Variants in KCNH4 observed in about 807,000 individuals in gnomAD.
KCNH4 encodes the protein voltage-gated delayed rectifier potassium channel KCNH4.
A neutral mutation model predicts 90.7 loss-of-function variants in KCNH4; 33 were observed. The observed-to-expected ratio is 0.36, with a 90% confidence interval of 0.28 to 0.49. The LOEUF (loss-of-function observed/expected upper bound fraction) is 0.49, where lower values mean the gene tolerates loss of function less well. Ranked by LOEUF, KCNH4 falls within the 20% of genes least tolerant of loss-of-function variation. KCNH4 has a pLI of 0.98. For synonymous variants in KCNH4, 551 were observed against 581.7 expected, an observed-to-expected ratio of 0.95 and a Z score of 0.76; for missense variants, 1,044 against 1,387.1, an observed-to-expected ratio of 0.75 and a Z score of 3.93.
chr17:42,164,209 C>T (rs1330452264), intron 11 of KCNH4, 41 bp from the exon 12 acceptor site: 1 of 1,512,386 alleles, frequency 6.6e-7, no homozygotes, highest in South Asian at 1.3e-5. Context: ...TCCTGCCTTC[C>T]CGCGGCCATA....
At chr17:42,164,931 C>T (rs552175948) in intron 11 of KCNH4, among the ~76,000 whole-genome samples, 32 of 152,016 alleles carry the variant, frequency 2.1e-4, no homozygotes, top group African/African-American at 6.3e-4. Flanking sequence ...CATGGTGAAA[C>T]GCTATCTCTA....
rs1314604934 is a variant in KCNH4 at position 42,179,083 on chromosome 17, G to A, written c.77-57C>T. The stretch of plus-strand genomic sequence containing the variant: ...GGCTGGGAGGCGAGCTAGCTTCCAG[G>A]TGGGCAGCACTTCCTCTAAGTTGGG... On this transcript the variant is annotated intron_variant, in intron 1 of 16. Transcript: ENST00000264661. 5.3e-6 allele frequency: 7 copies of A among 1,321,086 alleles called. No homozygotes were observed. The East Asian group carries it at 1.6e-4, about 31-fold the overall frequency. The allele number at this position is 1,321,086 out of a possible 1,614,324, so 81.8% of individuals were successfully genotyped here.
At chr17:42,170,436 G>A (rs2144131915) in intron 7 of KCNH4, 135 bp from the exon 8 acceptor site, 2 of 699,566 alleles carry the variant, frequency 2.9e-6, no homozygotes, top group East Asian at 5.9e-5. Flanking sequence ...AGTGGCCTGG[G>A]CCTGTGTCTC....
At chr17:42,158,891 T>C (rs2079726477) in intron 16 of KCNH4, among the ~76,000 whole-genome samples, 1 of 151,852 alleles carries the variant, frequency 6.6e-6, no homozygotes, top group Non-Finnish European at 1.5e-5. Flanking sequence ...GCTATGTTGC[T>C]CAGGTGGATC....
chr17:42,164,085 C>G (rs372927433), intron 12 of KCNH4, 45 bp downstream of exon 12: 3 of 1,545,456 alleles, frequency 1.9e-6, no homozygotes. Context: ...CCCATCTCAC[C>G]CTCTCCCCAG....
rs145104718 is a variant in KCNH4 at position 42,160,330 on chromosome 17, C to T, written c.2764G>A (p.Ala922Thr). Residue 922 changes from alanine (A) to threonine (T), a missense_variant, in exon 16 of 17, where the codon GCT becomes ACT. Physicochemically the swap from Ala to Thr is moderately conservative, Grantham distance 58. Coordinates refer to ENST00000264661, the MANE Select transcript of KCNH4 (RefSeq NM_012285.3). ...GGACAAGGAGGGTCTGGGGTCCAAG[C>T]GGAGCCTGCTGGGTGGCCTGGGGGA... ...LGPPGHPAGS[A>T]WTPDPPCPQL... 2,923 of 1,614,038 alleles carry T rather than the reference C, an allele frequency of 1.8e-3. 2 individuals carry two copies. The highest frequency in any genetic ancestry group is 2.3e-3 in the Middle Eastern group (14 of 6,060).
intron 14 of KCNH4, 118 bp from the exon 15 acceptor site, chr17:42,162,439 G>A (rs1417704854): frequency 1.3e-6 from 1 of 791,992 alleles, no homozygotes; most frequent in East Asian, 2.8e-5. Context: ...AAGCTCTAGG[G>A]TCTGTAAGAT....
Position 42,166,211 on chromosome 17 carries a change from C to T in KCNH4, c.1840+86G>A, listed in dbSNP as rs541316443. On this transcript the variant is annotated intron_variant, in intron 10 of 16. Transcript: ENST00000264661. ...GTATCCACGAGGGGTATCCCATTCC[C>T]TAGAATCCTGGCCATTCCCAAGTCC... is the stretch of plus-strand genomic sequence containing the variant. The T allele has an allele frequency of 5.4e-6, 8 of 1,479,874 alleles. No homozygotes were observed. In the South Asian group the frequency reaches 9.5e-5, roughly 18 times the overall value. The allele number at this position is 1,479,874 out of a possible 1,614,324, so 91.7% of individuals were successfully genotyped here.
chr17:42,179,349 C>T (rs2079885931), intron 1 of KCNH4, among the ~76,000 whole-genome samples: 1 of 152,194 alleles, frequency 6.6e-6, no homozygotes, highest in African/African-American at 2.4e-5. Flanking sequence ...GAGTAAGAGC[C>T]TGGGCTCCTG....
intron 6 of KCNH4, among the ~76,000 whole-genome samples, chr17:42,173,609 C>T (rs905301404): frequency 6.6e-6 from 1 of 151,874 alleles, no homozygotes; most frequent in Non-Finnish European, 1.5e-5. Context: ...TCTCACCAGA[C>T]CATCCACTCA....
At chr17:42,167,862 T>TA (rs1182300075) in intron 9 of KCNH4, among the ~76,000 whole-genome samples, 1 of 152,168 alleles carries the variant, frequency 6.6e-6, no homozygotes, top group Non-Finnish European at 1.5e-5. Flanking sequence ...TTAAGCAGGA[T>TA]AAAATCTAAA....
chr17:42,176,026 C>T, intron 5 of KCNH4, 28 bp downstream of exon 5: 1 of 1,572,556 alleles, frequency 6.4e-7, no homozygotes, highest in Non-Finnish European at 8.7e-7. Flanking sequence ...AGCCGACCCA[C>T]CAGGGTGGGT....
In KCNH4 at chr17:42,178,903, C is replaced by T. The variant is rs752640695; in HGVS notation, c.200G>A (p.Cys67Tyr). ...GGTCTCTGGGCCGTAGAGGAAACGG[C>T]AGCTGCAGGTCTTCTGCATGACCTC... ...RTEVMQKTCS[C>Y]RFLYGPETSE... The change falls in exon 2 of 17, where the codon TGC (cysteine) becomes TAC (tyrosine). Residue 67 changes from cysteine (C) to tyrosine (Y), a missense_variant. Coordinates refer to ENST00000264661, the MANE Select transcript of KCNH4 (RefSeq NM_012285.3). The T allele has an allele frequency of 2.4e-5, 39 of 1,614,104 alleles. 1 individual carries two copies. In the Admixed American group the frequency reaches 6.5e-4, roughly 27 times the overall value.
chr17:42,162,299 C>A lies in KCNH4; in HGVS notation c.2607G>T (p.Leu869Phe). ...PPTGTRPSPE[L>F]ASEAEEVKEK... is the part of the protein sequence containing the mutation. ...CCTTCACCTCCTCAGCCTCACTGGC[C>A]AATTCTGGGCTGGGCCTGGTCCCTG... Residue 869 changes from leucine to phenylalanine, a missense_variant, in exon 15 of 17, where the codon TTG (leucine) becomes TTT (phenylalanine). By Grantham distance (22) the Leu-to-Phe change is conservative. Coordinates refer to ENST00000264661, the MANE Select transcript of KCNH4 (RefSeq NM_012285.3). 6.2e-7 allele frequency: 1 copy of A among 1,613,970 alleles called. No homozygotes were observed. The highest frequency in any genetic ancestry group is 1.1e-5 in the South Asian group (1 of 91,050).
intron 14 of KCNH4, 30 bp from the exon 15 acceptor site, chr17:42,162,351 A>G (rs2079754857): frequency 1.9e-6 from 3 of 1,594,828 alleles, no homozygotes; most frequent in Non-Finnish European, 2.6e-6. Context: ...AGGTGAGTTC[A>G]TGGAGCATTA....
At chr17:42,164,221 C>G in intron 11 of KCNH4, 53 bp from the exon 12 acceptor site, 1 of 1,471,812 alleles carries the variant, frequency 6.8e-7, no homozygotes, top group Non-Finnish European at 9.1e-7. Flanking sequence ...GCGGCCATAG[C>G]GCAGACCCTC....
In KCNH4 at chr17:42,160,451, C is replaced by A. The variant is rs376973353; in HGVS notation, c.2659-16G>T. 3.2e-6 allele frequency: 5 copies of A among 1,563,476 alleles called. No homozygotes were observed. The highest frequency in any genetic ancestry group is 4.5e-5 in the East Asian group (2 of 43,996). On this transcript the variant is annotated splice_polypyrimidine_tract_variant and intron_variant, in intron 15 of 16. Transcript: ENST00000264661. ...GACGAGAGATCTGTTGAAAACACAT[C>A]GAGTTGTTTCACAGGTGCCACAGTA...
At position 42,162,216 on chromosome 17, in the gene KCNH4, TCAGGCACGTCTCTGAGC is replaced by T. The variant is rs755353288; in HGVS notation, c.2658+15_2658+31del. On this transcript the variant is annotated intron_variant, in intron 15 of 16. Coordinates refer to ENST00000264661, the MANE Select transcript of KCNH4 (RefSeq NM_012285.3). ...GTGTAGGGTCTGAAATGCTGTTATA[TCAGGCACGTCTCTGAGC>T]CAGCCCCAACCCACCTCCTGGTTCA... 2.7e-5 allele frequency: 44 copies of T among 1,601,860 alleles called. No individual in the cohort carries two copies. The highest frequency in any genetic ancestry group is 3.4e-5 in the Non-Finnish European group (40 of 1,169,616).
Position 42,163,138 on chromosome 17 carries a change from G to T in KCNH4, c.2584+90C>A. On this transcript the variant is annotated intron_variant, in intron 14 of 16. Transcript: ENST00000264661. The surrounding 1 kb of genome is among the most constrained non-coding windows in gnomAD (Gnocchi z 5.4). ...CTGTGTATTCCCAGGATGGCACCTG[G>T]CACATGGTAGGCCCCTACTACATAT... 1 of 888,198 alleles carries T rather than the reference G, an allele frequency of 1.1e-6. No individual in the cohort carries two copies. Among genetic ancestry groups the T allele is most frequent in the Non-Finnish European group, 1.9e-6 (1 of 531,328 alleles). 55.0% of individuals were successfully genotyped at this position (888,198 alleles called of 1,614,324 possible). A position where few individuals can be genotyped will look rare whatever the true frequency, so the allele number is the denominator to read the frequency against.
Sources: allele counts gnomAD v4.1 joint callset (sites outside exome capture counted in the v4.1 genomes callset), GRCh38; gene constraint gnomAD v4.1.1; non-coding constraint Gnocchi (gnomAD v3.1); transcripts MANE v1.5; gene names NCBI Gene and HGNC (gene_info 2026-07-23, HGNC 2026-07-21).